Variants in MSRA observed in about 807,000 individuals in gnomAD.
The protein encoded by MSRA is mitochondrial peptide methionine sulfoxide reductase.
A neutral mutation model predicts 31.3 loss-of-function variants in MSRA; 54 were observed. That is an observed-to-expected ratio of 1.73 (90% CI 1.39 to 2.17). The LOEUF (loss-of-function observed/expected upper bound fraction) is 2.17, where lower values mean the gene tolerates loss of function less well. Ranked by LOEUF, MSRA falls within the 30% of genes most tolerant of loss-of-function variation. The probability of loss-of-function intolerance (pLI) is 0.00; values close to 1 mark genes in which losing one functional copy is unlikely to be tolerated. For synonymous variants in MSRA, 169 were observed against 116.5 expected (o/e 1.45, Z -2.90); for missense variants, 507 against 300.9 (o/e 1.69, Z -5.07).
At chr8:10,345,202 G>C (rs1255073927) in intron 5 of MSRA, among the ~76,000 whole-genome samples, 1 of 152,210 alleles carries the variant, frequency 6.6e-6, no homozygotes, top group African/African-American at 2.4e-5. Context: ...CAAGCCCAAA[G>C]TTAATGTGAG....
chr8:10,250,110 C>T (rs1326101843), intron 3 of MSRA, among the ~76,000 whole-genome samples: 1 of 152,246 alleles, frequency 6.6e-6, no homozygotes, highest in East Asian at 1.9e-4. Flanking sequence ...TTTCTCTTTA[C>T]ACATGCACAC....
chr8:10,316,806 C>A (rs1010886202), intron 4 of MSRA, among the ~76,000 whole-genome samples: 22 of 152,190 alleles, frequency 1.4e-4, no homozygotes, highest in African/African-American at 5.3e-4. Flanking sequence ...GAAGTGCCAT[C>A]TTTCACTGTG....
At chr8:10,350,748 G>A (rs760218131) in intron 5 of MSRA, among the ~76,000 whole-genome samples, 4 of 152,170 alleles carry the variant, frequency 2.6e-5, no homozygotes, top group South Asian at 2.1e-4. Context: ...GTGGCAGCAC[G>A]GAGCAGACCG....
chr8:10,077,045 TA>T (rs543152237), intron 1 of MSRA, among the ~76,000 whole-genome samples: 249 of 139,070 alleles, frequency 1.8e-3, no homozygotes, highest in African/African-American at 4.6e-3. Flanking sequence ...CCTCAGAACT[TA>T]AAAAAAAAAA....
intron 5 of MSRA, among the ~76,000 whole-genome samples, chr8:10,366,340 G>T (rs925055322): frequency 6.6e-6 from 1 of 152,264 alleles, no homozygotes; most frequent in Non-Finnish European, 1.5e-5. Flanking sequence ...CTGTGCCACA[G>T]GCAAGCCCGT....
chr8:10,222,684 A>G (rs1308227378), intron 2 of MSRA, among the ~76,000 whole-genome samples: 4 of 152,228 alleles, frequency 2.6e-5, no homozygotes, highest in Non-Finnish European at 5.9e-5. Flanking sequence ...TGTCGTTGGC[A>G]ACAGTATTGA....
intron 1 of MSRA, among the ~76,000 whole-genome samples, chr8:10,066,931 A>C (rs934105423): frequency 6.6e-6 from 1 of 151,652 alleles, no homozygotes; most frequent in Non-Finnish European, 1.5e-5. Flanking sequence ...TGGAAAGTAC[A>C]GAGTTCCCAT....
intron 1 of MSRA, among the ~76,000 whole-genome samples, chr8:10,203,718 G>C (rs750284327): frequency 2.0e-5 from 3 of 152,176 alleles, no homozygotes; most frequent in Non-Finnish European, 4.4e-5. Context: ...CCTTATTTTA[G>C]AGTGTGCTCC....
chr8:10,339,093 G>C (rs1287021431), intron 5 of MSRA, among the ~76,000 whole-genome samples: 1 of 152,132 alleles, frequency 6.6e-6, no homozygotes, highest in East Asian at 1.9e-4. Context: ...CTTGACTGCA[G>C]AGATAAGTTG....
chr8:10,273,948 C>T (rs577386950), intron 3 of MSRA, among the ~76,000 whole-genome samples: 13 of 152,096 alleles, frequency 8.5e-5, no homozygotes, highest in Admixed American at 6.5e-5. Flanking sequence ...GAGGCAGCTG[C>T]TTTATAGGAG....
At chr8:10,420,630 G>T (rs1459404725) in intron 5 of MSRA, among the ~76,000 whole-genome samples, 1 of 152,100 alleles carries the variant, frequency 6.6e-6, no homozygotes, top group Non-Finnish European at 1.5e-5. Flanking sequence ...AACCCAGCCA[G>T]GTTCAGTGGT....
chr8:10,064,580 T>A (rs1194983649), intron 1 of MSRA, among the ~76,000 whole-genome samples: 1 of 152,210 alleles, frequency 6.6e-6, no homozygotes, highest in Non-Finnish European at 1.5e-5. Flanking sequence ...TACATTAAAA[T>A]ACAAAATTTA....
At chr8:10,288,707 C>G (rs1054702023) in intron 3 of MSRA, among the ~76,000 whole-genome samples, 1 of 152,156 alleles carries the variant, frequency 6.6e-6, no homozygotes, top group Admixed American at 6.5e-5. Context: ...TAAAAATGTA[C>G]TTACATTTAT....
At chr8:10,291,681 C>T (rs1800244179) in intron 3 of MSRA, among the ~76,000 whole-genome samples, 1 of 152,056 alleles carries the variant, frequency 6.6e-6, no homozygotes, top group Non-Finnish European at 1.5e-5. Context: ...TCGCCCCTTT[C>T]TCCCTTCAAA....
At chr8:10,410,527 A>G (rs1784231373) in intron 5 of MSRA, among the ~76,000 whole-genome samples, 1 of 152,208 alleles carries the variant, frequency 6.6e-6, no homozygotes, top group African/African-American at 2.4e-5. Context: ...CAAATACATG[A>G]TTTCACCTCT....
intron 1 of MSRA, among the ~76,000 whole-genome samples, chr8:10,138,861 A>G (rs1375281134): frequency 1.3e-5 from 2 of 151,388 alleles, no homozygotes; most frequent in African/African-American, 4.8e-5. Context: ...TTAAAATGAT[A>G]GCAGCAGCAG....
At chr8:10,338,858 G>T (rs1398690323) in intron 5 of MSRA, among the ~76,000 whole-genome samples, 7 of 152,092 alleles carry the variant, frequency 4.6e-5, no homozygotes, top group African/African-American at 9.7e-5. Flanking sequence ...ACTCTCTTTG[G>T]GGGTGTTTTT....
chr8:10,339,628 G>T (rs973645042), intron 5 of MSRA, among the ~76,000 whole-genome samples: 3 of 132,414 alleles, frequency 2.3e-5, no homozygotes, highest in African/African-American at 8.5e-5. Flanking sequence ...TGCAAGCTCC[G>T]CCTCCCAGGT....
At chr8:10,405,796 TAC>T (rs1245829028) in intron 5 of MSRA, among the ~76,000 whole-genome samples, 8 of 151,590 alleles carry the variant, frequency 5.3e-5, no homozygotes, top group Non-Finnish European at 8.8e-5. Flanking sequence ...TGTAATCACA[TAC>T]ACACATGCTC....
Sources: gnomAD v4.1 joint callset for allele counts (sites outside exome capture counted in the v4.1 genomes callset) on GRCh38, gnomAD v4.1.1 for gene constraint, MANE v1.5 for transcripts, NCBI Gene and HGNC (gene_info 2026-07-23, HGNC 2026-07-21) for gene names.